NEBL: variants seen among roughly 807,000 people sequenced by gnomAD.
The protein encoded by NEBL is nebulette.
Under a neutral mutation model 140.2 loss-of-function variants are expected in NEBL, and 122 were observed. The observed-to-expected ratio is 0.87, with a 90% confidence interval of 0.75 to 1.01. The LOEUF (loss-of-function observed/expected upper bound fraction) is 1.01, where lower values mean the gene tolerates loss of function less well. Ranked by LOEUF, NEBL falls within the 50% of genes least tolerant of loss-of-function variation. The pLI is 0.00. For missense variants in NEBL, 1,365 were observed against 1,231.3 expected, an observed-to-expected ratio of 1.11 and a Z score of -1.62; for synonymous variants, 436 against 398.9, an observed-to-expected ratio of 1.09 and a Z score of -1.11.
At chr10:21,158,851 A>G (rs905524621) in intron 2 of NEBL, among the ~76,000 whole-genome samples, 1 of 152,342 alleles carries the variant, frequency 6.6e-6, no homozygotes, top group South Asian at 2.1e-4. Context: ...CATGAAAGCT[A>G]AATAGGATTT....
chr10:21,248,357 A>C (rs1443232097), intron 2 of NEBL, among the ~76,000 whole-genome samples: 2 of 140,246 alleles, frequency 1.4e-5, no homozygotes, highest in East Asian at 3.9e-4. Context: ...AACTCACTAG[A>C]AAAAAAAAAA....
At chr10:21,166,304 GA>G (rs895580645) in intron 2 of NEBL, among the ~76,000 whole-genome samples, 9 of 146,872 alleles carry the variant, frequency 6.1e-5, no homozygotes, top group African/African-American at 2.3e-4. Flanking sequence ...CCGTATCACT[GA>G]AAAAAAAGTT....
At chr10:21,120,853 C>G (rs907734758) in intron 2 of NEBL, among the ~76,000 whole-genome samples, 1 of 152,078 alleles carries the variant, frequency 6.6e-6, no homozygotes, top group African/African-American at 2.4e-5. Context: ...GATATGAAGA[C>G]ATTTTCCCTA....
At chr10:21,183,439 C>T (rs769947689) in intron 3 of NEBL, among the ~76,000 whole-genome samples, 1 of 152,066 alleles carries the variant, frequency 6.6e-6, no homozygotes, top group Non-Finnish European at 1.5e-5. Context: ...GCAAACTTAA[C>T]AGGGCAAACA....
intron 3 of NEBL, among the ~76,000 whole-genome samples, chr10:21,218,829 G>A (rs1349837050): frequency 6.6e-6 from 1 of 152,190 alleles, no homozygotes; most frequent in Non-Finnish European, 1.5e-5. Context: ...AAAGTGAGTA[G>A]GAACTATATG....
chr10:21,185,782 CCCACTGCG>C (rs1841459495), intron 3 of NEBL, among the ~76,000 whole-genome samples: 1 of 152,110 alleles, frequency 6.6e-6, no homozygotes, highest in African/African-American at 2.4e-5. Context: ...ACAGGCGTGA[CCCACTGCG>C]CCCTACCTCT....
In NEBL at chr10:20,924,713, G is replaced by C. The variant is rs1000024384; in HGVS notation, c.357+36959C>G. ...GAAAGTGATAGACATGAAAGGGAGA[G>C]AAAATGGCTGGAGGCAGTTTGGTTA... On this transcript the variant is annotated intron_variant, in intron 4 of 6. Coordinates refer to the NEBL transcript ENST00000417816. 3.3e-5 allele frequency among the ~76,000 whole-genome samples: 5 copies of C among 151,992 alleles called. No individual in the cohort carries two copies. The South Asian group carries it at 1.0e-3, about 32-fold the overall frequency.
chr10:20,953,568 ATATAT>A (rs1835620016), intron 4 of NEBL, among the ~76,000 whole-genome samples: 1 of 139,402 alleles, frequency 7.2e-6, no homozygotes, highest in Non-Finnish European at 1.5e-5. Context: ...ATTCCCTATG[ATATAT>A]TAAGATAGGG....
chr10:21,012,858 G>A (rs888877184), intron 3 of NEBL, among the ~76,000 whole-genome samples: 2 of 152,148 alleles, frequency 1.3e-5, no homozygotes, highest in African/African-American at 4.8e-5. Context: ...AAGGGAAGTA[G>A]GGTGGGCCAG....
intron 4 of NEBL, among the ~76,000 whole-genome samples, chr10:20,926,895 CA>C (rs1734437055): frequency 6.6e-6 from 1 of 152,214 alleles, no homozygotes; most frequent in South Asian, 2.1e-4. Flanking sequence ...CACAAGCTCT[CA>C]GCTAAGACCT....
chr10:20,938,326 C>T (rs1834628607), intron 4 of NEBL, among the ~76,000 whole-genome samples: 1 of 152,200 alleles, frequency 6.6e-6, no homozygotes, highest in African/African-American at 2.4e-5. Flanking sequence ...CCCAGGGAAA[C>T]ACGGTCTGGA....
chr10:21,284,497 T>G (rs1287110832), intron 1 of NEBL, among the ~76,000 whole-genome samples: 1 of 152,146 alleles, frequency 6.6e-6, no homozygotes. Flanking sequence ...AGCCATCTGT[T>G]TGTTCTGGTA....
At chr10:20,899,462 T>G (rs1208645876), upstream of NEBL, 3 of 1,289,278 alleles carry the variant, frequency 2.3e-6, no homozygotes. Context: ...TGCAAGAAAA[T>G]AAGCTGTTGA....
At chr10:21,196,892 A>G (rs559834416) in intron 3 of NEBL, among the ~76,000 whole-genome samples, 21 of 152,364 alleles carry the variant, frequency 1.4e-4, no homozygotes, top group African/African-American at 4.3e-4. Flanking sequence ...GTATAATGCT[A>G]TCTTTCCTCT....
At chr10:20,848,256 T>C (rs1308403871) in intron 11 of NEBL, among the ~76,000 whole-genome samples, 5 of 152,232 alleles carry the variant, frequency 3.3e-5, no homozygotes, top group Admixed American at 6.5e-5. Flanking sequence ...TATACAGTGT[T>C]TACAAACTGT....
rs894135775 is a variant in NEBL at position 20,911,869 on chromosome 10, C to T, written c.357+49803G>A. ...TCATGAGGAGTTCAAGCTTGCTTTT[C>T]AAGCAACAACACCGTCAAAGGCTCT... On this transcript the variant is annotated intron_variant, in intron 4 of 6. Coordinates refer to the NEBL transcript ENST00000417816. Among the ~76,000 whole-genome samples, 5 of 152,160 alleles carry T rather than the reference C, an allele frequency of 3.3e-5. 1 individual carries two copies. Among genetic ancestry groups the T allele is most frequent in the African/African-American group, 4.8e-5 (2 of 41,450 alleles).
intron 4 of NEBL, among the ~76,000 whole-genome samples, chr10:20,948,027 G>A (rs1290200493): frequency 6.6e-6 from 1 of 152,202 alleles, no homozygotes; most frequent in African/African-American, 2.4e-5. Context: ...AAAGTTGATG[G>A]ATTTGTGCTG....
At chr10:21,128,112 A>G (rs954137810) in intron 2 of NEBL, among the ~76,000 whole-genome samples, 6 of 152,322 alleles carry the variant, frequency 3.9e-5, no homozygotes, top group African/African-American at 1.4e-4. Flanking sequence ...TACCCAGCAC[A>G]CATTCATTTC....
chr10:21,002,458 A>C (rs185820177), intron 3 of NEBL, among the ~76,000 whole-genome samples: 12 of 152,338 alleles, frequency 7.9e-5, no homozygotes, highest in Admixed American at 5.9e-4. Context: ...TATTACAGAA[A>C]TAAATTCTTA....
Sources: gnomAD v4.1 joint callset for allele counts (sites outside exome capture counted in the v4.1 genomes callset) on GRCh38, gnomAD v4.1.1 for gene constraint, MANE v1.5 for transcripts, NCBI Gene and HGNC (gene_info 2026-07-23, HGNC 2026-07-21) for gene names.